Variants in EML1 observed in about 807,000 individuals in gnomAD.
The protein encoded by EML1 is echinoderm microtubule-associated protein-like 1.
In EML1, 27 loss-of-function variants were observed where a neutral mutation model predicts 110.4. That is an observed-to-expected ratio of 0.24 (90% CI 0.18 to 0.34). The LOEUF is 0.34. Among genes scored for constraint, EML1 ranks in the 10% least tolerant of loss-of-function variants. The pLI, the probability that EML1 is intolerant of heterozygous loss-of-function variation, is 1.00. For synonymous variants in EML1, 344 were observed against 385.8 expected (o/e 0.89, Z 1.27); for missense variants, 741 against 1,030.9 (o/e 0.72, Z 3.85).
At chr14:99,842,066 A>G (rs773236201) in intron 1 of EML1, among the ~76,000 whole-genome samples, 9 of 152,236 alleles carry the variant, frequency 5.9e-5, no homozygotes, top group Non-Finnish European at 1.0e-4. Context: ...TCAATTATTG[A>G]CACTGTTTTA....
chr14:99,890,551 G>A (rs974757208), intron 4 of EML1, among the ~76,000 whole-genome samples: 19 of 152,194 alleles, frequency 1.2e-4, no homozygotes, highest in African/African-American at 4.6e-4. Context: ...GCCTGCGGCT[G>A]TCTGTCCTTA....
chr14:99,884,741 A>T (rs2059445522), intron 4 of EML1, among the ~76,000 whole-genome samples: 1 of 152,228 alleles, frequency 6.6e-6, no homozygotes, highest in Admixed American at 6.5e-5. Context: ...AAACCACACA[A>T]GCAAATTCGT....
At position 99,793,446 on chromosome 14, in the gene EML1, C is replaced by G; in HGVS notation, c.-31C>G. On this transcript the variant is annotated 5_prime_UTR_variant, in exon 1 of 22. Coordinates refer to ENST00000262233, the MANE Select transcript of EML1 (RefSeq NM_004434.3). Reference sequence around the variant, plus strand: ...GTGAGCGGCGGCGGCGCGGCCGGGCCGGGGAGCGGGCGCGGCCCGGCGGCC... The same window carrying G: ...GTGAGCGGCGGCGGCGCGGCCGGGCGGGGGAGCGGGCGCGGCCCGGCGGCC... The G allele has an allele frequency of 2.9e-6, 3 of 1,037,092 alleles. No individual in the cohort carries two copies. Among genetic ancestry groups the G allele is most frequent in the Non-Finnish European group, 3.5e-6 (3 of 863,200 alleles). The allele number at this position is 1,037,092 out of a possible 1,614,324, so 64.2% of individuals were successfully genotyped here.
intron 1 of EML1, among the ~76,000 whole-genome samples, chr14:99,820,662 C>A (rs2058246158): frequency 1.3e-5 from 2 of 152,110 alleles, no homozygotes; most frequent in South Asian, 4.1e-4. Flanking sequence ...GCTTGTATAC[C>A]GGTGTCTTAA....
chr14:99,844,831 A>C (rs905802481), intron 1 of EML1, among the ~76,000 whole-genome samples: 2 of 152,172 alleles, frequency 1.3e-5, no homozygotes, highest in African/African-American at 4.8e-5. Flanking sequence ...TTTGAGACCC[A>C]TGCAAGTTGT....
chr14:99,933,219 A>C (rs2060405400), intron 17 of EML1, among the ~76,000 whole-genome samples: 1 of 152,220 alleles, frequency 6.6e-6, no homozygotes, highest in Non-Finnish European at 1.5e-5. Context: ...TCTGTCGCCC[A>C]GGCTAGAGTG....
intron 2 of EML1, among the ~76,000 whole-genome samples, chr14:99,852,800 T>A (rs2058834365): frequency 6.6e-6 from 1 of 152,236 alleles, no homozygotes; most frequent in African/African-American, 2.4e-5. Flanking sequence ...TCATCCCAGA[T>A]GTTATCACCA....
Position 99,816,316 on chromosome 14 carries a change from A to G in EML1, c.67+22773A>G, listed in dbSNP as rs1252930107. 2.0e-5 allele frequency among the ~76,000 whole-genome samples: 3 copies of G among 152,130 alleles called. No homozygotes were observed. The East Asian group carries it at 5.8e-4, about 29-fold the overall frequency. ...GTAGCTGGGACTACAAACGCCCACT[A>G]CCATGTCCGACTAATTTTGTATTTT... On this transcript the variant is annotated intron_variant, in intron 1 of 21. Transcript: ENST00000262233.
intron 1 of EML1, among the ~76,000 whole-genome samples, chr14:99,828,829 T>A (rs1023638344): frequency 2.6e-5 from 4 of 152,178 alleles, no homozygotes; most frequent in Admixed American, 1.3e-4. Flanking sequence ...AAGGAAATCA[T>A]AAGGAAGAGA....
rs1027967964 is a variant in EML1 at position 99,781,597 on chromosome 14, G to A, written c.-27+7584G>A. ...TTCATGCTTCGTGTCCCCTGGCCCA[G>A]GTATGTGCACTTCCCATCAGTCTTC... is the stretch of plus-strand genomic sequence containing the variant. On this transcript the variant is annotated intron_variant, in intron 1 of 22. Coordinates refer to the EML1 transcript ENST00000327921. The surrounding 1 kb of genome is among the most constrained non-coding windows in gnomAD (Gnocchi z 4.2). Among the ~76,000 whole-genome samples the A allele has an allele frequency of 7.2e-5, 11 of 152,178 alleles. No individual in the cohort carries two copies. Among genetic ancestry groups the A allele is most frequent in the Admixed American group, 6.5e-4 (10 of 15,278 alleles).
chr14:99,937,281 G>A (rs2060492422), intron 19 of EML1, among the ~76,000 whole-genome samples: 1 of 152,196 alleles, frequency 6.6e-6, no homozygotes, highest in Admixed American at 6.5e-5. Context: ...ACAGGCACAG[G>A]AACGGTATGA....
At chr14:99,875,089 A>G in intron 3 of EML1, 1 of 1,053,084 alleles carries the variant, frequency 9.5e-7, no homozygotes, top group Non-Finnish European at 1.4e-6. Context: ...AGTGCCTACC[A>G]TTCATCAAGT....
chr14:99,829,103 T>C (rs976310024), intron 1 of EML1, among the ~76,000 whole-genome samples: 1 of 152,180 alleles, frequency 6.6e-6, no homozygotes, highest in Non-Finnish European at 1.5e-5. Flanking sequence ...GGTCTTGGAA[T>C]GTATCTCCTG....
chr14:99,879,285 A>G (rs1183214954), intron 4 of EML1, among the ~76,000 whole-genome samples: 2 of 152,294 alleles, frequency 1.3e-5, no homozygotes, highest in African/African-American at 2.4e-5. Flanking sequence ...ATTTATATCT[A>G]TATAATGTAC....
chr14:99,747,245 AT>A (rs1244079295), intron 1 of EML1, among the ~76,000 whole-genome samples: 4 of 151,972 alleles, frequency 2.6e-5, no homozygotes, highest in Non-Finnish European at 5.9e-5. Flanking sequence ...TGGAAAAAAA[AT>A]CATGAGCTCC....
chr14:99,847,686 T>G (rs1444835094), intron 1 of EML1, among the ~76,000 whole-genome samples: 2 of 152,318 alleles, frequency 1.3e-5, no homozygotes, highest in East Asian at 3.9e-4. Context: ...TCATGTATTT[T>G]AAAGCTCTAT....
intron 1 of EML1, among the ~76,000 whole-genome samples, chr14:99,748,299 C>T (rs1441361869): frequency 6.6e-6 from 1 of 152,062 alleles, no homozygotes; most frequent in Non-Finnish European, 1.5e-5. Flanking sequence ...CCCGAGGCTG[C>T]GGGAATATGT....
In EML1 at chr14:99,845,815, C is replaced by T. The variant is rs186406100; in HGVS notation, c.68-5038C>T. Among the ~76,000 whole-genome samples, 308 of 152,210 alleles carry T rather than the reference C, an allele frequency of 2.0e-3. 1 individual carries two copies. The highest frequency in any genetic ancestry group is 7.1e-3 in the African/African-American group (297 of 41,560). On this transcript the variant is annotated intron_variant, in intron 1 of 21. Coordinates refer to ENST00000262233, the MANE Select transcript of EML1 (RefSeq NM_004434.3). ...CCTGTAATCCCAGCACTTTGGGAAGCCGAGGTGGTTGGATCACCTGAGGTC... is the reference window on the plus strand; with the variant it reads ...CCTGTAATCCCAGCACTTTGGGAAGTCGAGGTGGTTGGATCACCTGAGGTC...
Position 99,894,705 on chromosome 14 carries a change from C to A in EML1, c.624C>A (p.Tyr208Ter), listed in dbSNP as rs757722177. ...MYMPKDQVDS[Y>*]SLEAKVELPT... ...TGCCCAAAGATCAAGTGGATTCTTA[C>A]AGCTTGGAAGCAAAAGTAGAACTTC... The change falls in exon 6 of 22, where the codon TAC becomes TAA. Residue 208 changes from tyrosine to a stop codon, truncating the protein, a stop_gained. Coordinates refer to ENST00000262233, the MANE Select transcript of EML1 (RefSeq NM_004434.3). LOFTEE classifies it high-confidence loss of function. 6.2e-7 allele frequency: 1 copy of A among 1,613,630 alleles called. No individual in the cohort carries two copies.
Sources: allele counts gnomAD v4.1 joint callset (sites outside exome capture counted in the v4.1 genomes callset), GRCh38; gene constraint gnomAD v4.1.1; non-coding constraint Gnocchi (gnomAD v3.1); transcripts MANE v1.5; gene names NCBI Gene and HGNC (gene_info 2026-07-23, HGNC 2026-07-21).